The following DNAAF11 variants were observed in gnomAD, a reference collection of about 807,000 sequenced individuals.
DNAAF11 encodes the protein dynein axonemal assembly factor 11.
DNAAF11 carries 45 observed loss-of-function variants against 60.8 expected under a neutral mutation model. The observed-to-expected ratio is 0.74, with a 90% CI of 0.58 to 0.95. The LOEUF is 0.95. Among genes scored for constraint, DNAAF11 ranks in the 40% least tolerant of loss-of-function variants. DNAAF11 has a pLI of 0.00. For missense variants in DNAAF11, 546 were observed against 546.2 expected (o/e 1.00, Z 0.00); for synonymous variants, 191 against 183.5 (o/e 1.04, Z -0.33).
intron 3 of DNAAF11, among the ~76,000 whole-genome samples, chr8:132,646,906 C>G (rs1349054039): frequency 6.6e-6 from 1 of 152,180 alleles, no homozygotes; most frequent in African/African-American, 2.4e-5. Flanking sequence ...GAGACTTTAA[C>G]ACCCCACTGT....
chr8:132,685,467 T>C, the DNAAF11 span, among the ~76,000 whole-genome samples: 2 of 152,244 alleles, frequency 1.3e-5, no homozygotes, highest in Admixed American at 6.5e-5. Flanking sequence ...CTAATTACTC[T>C]AGTTTTAAAA....
the DNAAF11 span, among the ~76,000 whole-genome samples, chr8:132,686,302 AG>A: frequency 6.6e-6 from 1 of 152,140 alleles, no homozygotes; most frequent in Non-Finnish European, 1.5e-5. Flanking sequence ...GAACAGAAAA[AG>A]GAGCCCAACA....
Position 132,615,033 on chromosome 8 carries a change from T to C in DNAAF11, c.974+5A>G. ...CATAAATAAATACGTAGAAAATGTC[T>C]TTACCTATAGACAGCAAGGTCCAGG... On this transcript the variant is annotated splice_donor_5th_base_variant and intron_variant, in intron 8 of 11. Coordinates refer to ENST00000620350, the MANE Select transcript of DNAAF11 (RefSeq NM_012472.6). 6.4e-7 allele frequency: 1 copy of C among 1,570,958 alleles called. No homozygotes were observed.
At chr8:132,626,072 C>T (rs566376678) in intron 5 of DNAAF11, among the ~76,000 whole-genome samples, 37 of 148,548 alleles carry the variant, frequency 2.5e-4, no homozygotes, top group Non-Finnish European at 4.9e-4. Flanking sequence ...TTTTTTGAGA[C>T]GGAGTCTCCC....
chr8:132,676,193 C>G (rs1458698057), upstream of DNAAF11, among the ~76,000 whole-genome samples: 1 of 152,120 alleles, frequency 6.6e-6, no homozygotes, highest in East Asian at 1.9e-4. Context: ...CTATTCTCCA[C>G]TCTCTTAATT....
chr8:132,590,151 C>G (rs1446826542), intron 10 of DNAAF11, among the ~76,000 whole-genome samples: 1 of 152,160 alleles, frequency 6.6e-6, no homozygotes, highest in Non-Finnish European at 1.5e-5. Context: ...TCCACAGAAC[C>G]CTGCTGGCCT....
chr8:132,651,931 G>A (rs1210327141), intron 3 of DNAAF11, among the ~76,000 whole-genome samples: 1 of 152,192 alleles, frequency 6.6e-6, no homozygotes, highest in Non-Finnish European at 1.5e-5. Flanking sequence ...TTGATCCCAG[G>A]ACTGAGGCCA....
chr8:132,625,061 A>G (rs1477402936), intron 6 of DNAAF11, among the ~76,000 whole-genome samples: 2 of 152,142 alleles, frequency 1.3e-5, no homozygotes, highest in African/African-American at 4.8e-5. Context: ...CTCTACCTAA[A>G]ATGTCATAAT....
At chr8:132,589,802 G>C (rs1339350096) in intron 10 of DNAAF11, among the ~76,000 whole-genome samples, 1 of 152,178 alleles carries the variant, frequency 6.6e-6, no homozygotes, top group Non-Finnish European at 1.5e-5. Context: ...GTAGGTCTTG[G>C]ACTCTGCATT....
chr8:132,699,753 T>C, the DNAAF11 span, among the ~76,000 whole-genome samples: 3 of 152,178 alleles, frequency 2.0e-5, no homozygotes, highest in Non-Finnish European at 2.9e-5. Flanking sequence ...AGTGGACTAT[T>C]ATTCAGCCAT....
upstream of DNAAF11, among the ~76,000 whole-genome samples, chr8:132,677,982 A>G (rs1377161978): frequency 6.6e-6 from 1 of 152,214 alleles, no homozygotes; most frequent in African/African-American, 2.4e-5. Context: ...ATGCCTCTTA[A>G]TACTGCTACA....
At chr8:132,663,554 T>C (rs1824337104) in intron 1 of DNAAF11, among the ~76,000 whole-genome samples, 1 of 152,214 alleles carries the variant, frequency 6.6e-6, no homozygotes. Flanking sequence ...TACTGACCAC[T>C]AGTAATAAGA....
intron 7 of DNAAF11, among the ~76,000 whole-genome samples, chr8:132,622,365 A>G (rs945792517): frequency 2.3e-4 from 35 of 152,242 alleles, no homozygotes; most frequent in African/African-American, 8.0e-4. Flanking sequence ...CATGGGGTAC[A>G]TAAATAACTA....
chr8:132,588,919 C>T (rs1452987976), intron 10 of DNAAF11, among the ~76,000 whole-genome samples: 2 of 152,070 alleles, frequency 1.3e-5, no homozygotes, highest in Admixed American at 1.3e-4. Flanking sequence ...TTTCAGACCA[C>T]CAGATCTCAA....
At chr8:132,634,565 C>A (rs899009599) in intron 4 of DNAAF11, among the ~76,000 whole-genome samples, 1 of 151,736 alleles carries the variant, frequency 6.6e-6, no homozygotes, top group East Asian at 1.9e-4. Flanking sequence ...TAATTTAATA[C>A]AGGATTGGGA....
the DNAAF11 span, among the ~76,000 whole-genome samples, chr8:132,701,044 G>A: frequency 1.3e-5 from 2 of 152,142 alleles, no homozygotes; most frequent in African/African-American, 4.8e-5. Flanking sequence ...AGATGGAAGG[G>A]CAAGAATGAA....
chr8:132,628,422 A>AAG (rs1820490907), intron 5 of DNAAF11, among the ~76,000 whole-genome samples: 1 of 152,076 alleles, frequency 6.6e-6, no homozygotes, highest in Non-Finnish European at 1.5e-5. Flanking sequence ...AAAAAAAAAA[A>AAG]AGATATTCAC....
the DNAAF11 span, among the ~76,000 whole-genome samples, chr8:132,681,718 G>A: frequency 2.0e-5 from 3 of 152,152 alleles, no homozygotes; most frequent in African/African-American, 7.2e-5. Flanking sequence ...AATCGAAGAT[G>A]AAATTAATTT....
At chr8:132,573,931 G>C (rs1186882614) in intron 11 of DNAAF11, among the ~76,000 whole-genome samples, 1 of 152,172 alleles carries the variant, frequency 6.6e-6, no homozygotes, top group Non-Finnish European at 1.5e-5. Context: ...GTATGCCACA[G>C]GAAGGAGAAG....
Sources: allele counts gnomAD v4.1 joint callset (sites outside exome capture counted in the v4.1 genomes callset), GRCh38; gene constraint gnomAD v4.1.1; transcripts MANE v1.5; gene names NCBI Gene and HGNC (gene_info 2026-07-23, HGNC 2026-07-21).